DCC: variants seen among roughly 807,000 people sequenced by gnomAD.
DCC encodes the protein DCC netrin 1 receptor.
In DCC, 58 loss-of-function variants were observed where a neutral mutation model predicts 172.5. The ratio of observed to expected loss-of-function variants is 0.34; its 90% CI spans 0.27 to 0.42. DCC has a LOEUF of 0.42. Among genes scored for constraint, DCC ranks in the 10% least tolerant of loss-of-function variants. The pLI is 1.00. For missense variants in DCC, 1,740 were observed against 1,791.0 expected (o/e 0.97, Z 0.51); for synonymous variants, 709 against 644.5 (o/e 1.10, Z -1.52).
intron 8 of DCC, among the ~76,000 whole-genome samples, chr18:53,161,377 T>G (rs190650092): frequency 6.6e-6 from 1 of 152,194 alleles, no homozygotes; most frequent in Non-Finnish European, 1.5e-5. Flanking sequence ...GCACATGCTC[T>G]CCTCATTCTA....
intron 19 of DCC, among the ~76,000 whole-genome samples, chr18:53,408,650 G>T (rs1909813492): frequency 6.6e-6 from 1 of 152,184 alleles, no homozygotes; most frequent in African/African-American, 2.4e-5. Context: ...ACTAGAGGAT[G>T]AGGATAATTG....
At position 53,531,478 on chromosome 18, in the gene DCC, GC is replaced by G. The variant is rs2046524945; in HGVS notation, c.*827del. On this transcript the variant is annotated 3_prime_UTR_variant, in exon 29 of 29. Transcript: ENST00000442544. ...AGTTTTCAATTTGGGTGGCTTTTGTGCCATACCACACTGTGATACAATTTCA... is the reference window on the plus strand; with the variant it reads ...AGTTTTCAATTTGGGTGGCTTTTGTGCATACCACACTGTGATACAATTTCA... The G allele has an allele frequency of 6.5e-6, 1 of 152,958 alleles. No homozygotes were observed. Among genetic ancestry groups the G allele is most frequent in the Admixed American group, 6.5e-5 (1 of 15,320 alleles). 9.5% of individuals were successfully genotyped at this position (152,958 alleles called of 1,614,324 possible). A position where few individuals can be genotyped will look rare whatever the true frequency, so the allele number is the denominator to read the frequency against.
At chr18:53,298,946 C>T (rs926084391) in intron 12 of DCC, among the ~76,000 whole-genome samples, 2 of 152,070 alleles carry the variant, frequency 1.3e-5, no homozygotes, top group African/African-American at 2.4e-5. Flanking sequence ...GACCTTGGGC[C>T]TATCCTTCTT....
intron 1 of DCC, among the ~76,000 whole-genome samples, chr18:52,681,610 T>C (rs928275318): frequency 5.9e-5 from 9 of 152,118 alleles, no homozygotes; most frequent in Admixed American, 5.9e-4. Context: ...CAACGTATAT[T>C]AAATATCAAA....
At chr18:52,596,850 T>TCTTG (rs746670981) in intron 1 of DCC, among the ~76,000 whole-genome samples, 11 of 152,192 alleles carry the variant, frequency 7.2e-5, no homozygotes, top group Non-Finnish European at 1.5e-4. Flanking sequence ...AGGTCAGCAA[T>TCTTG]CTTGCCTGGC....
intron 21 of DCC, among the ~76,000 whole-genome samples, chr18:53,434,041 G>A (rs569831161): frequency 2.0e-5 from 3 of 152,254 alleles, no homozygotes; most frequent in South Asian, 2.1e-4. Context: ...CAAATAAAAT[G>A]ATAAAATCTT....
intron 3 of DCC, among the ~76,000 whole-genome samples, chr18:52,908,535 A>G (rs1026571883): frequency 2.6e-5 from 4 of 152,220 alleles, no homozygotes. Flanking sequence ...TTATCTTAAT[A>G]TGACAGGAAA....
At chr18:52,378,745 G>T (rs1183239178) in intron 1 of DCC, among the ~76,000 whole-genome samples, 1 of 151,960 alleles carries the variant, frequency 6.6e-6, no homozygotes, top group South Asian at 2.1e-4. Flanking sequence ...ATGGGGTTTT[G>T]TCATGTAGCC....
chr18:52,832,914 AT>A (rs901042730), intron 2 of DCC, among the ~76,000 whole-genome samples: 12 of 151,742 alleles, frequency 7.9e-5, no homozygotes, highest in Admixed American at 3.3e-4. Flanking sequence ...ACATTACTAA[AT>A]TTTTTTTTCC....
At chr18:52,564,807 C>G (rs182109416) in intron 1 of DCC, among the ~76,000 whole-genome samples, 255 of 151,996 alleles carry the variant, frequency 1.7e-3, no homozygotes, top group Non-Finnish European at 2.9e-3. Flanking sequence ...ACCATGGAAC[C>G]CAGTAGGAGG....
chr18:52,515,069 C>A (rs1019797097), intron 1 of DCC, among the ~76,000 whole-genome samples: 1 of 152,040 alleles, frequency 6.6e-6, no homozygotes, highest in Non-Finnish European at 1.5e-5. Flanking sequence ...TCAGTCAAGA[C>A]AATGTGATAT....
intron 8 of DCC, among the ~76,000 whole-genome samples, chr18:53,167,486 A>G (rs1214835174): frequency 2.0e-5 from 3 of 152,206 alleles, no homozygotes; most frequent in Non-Finnish European, 2.9e-5. Flanking sequence ...GCCAAAGATG[A>G]CCGAAATAAA....
chr18:53,047,219 C>A (rs1223103140), intron 5 of DCC, among the ~76,000 whole-genome samples: 1 of 75,538 alleles, frequency 1.3e-5, no homozygotes, highest in Non-Finnish European at 2.6e-5. Flanking sequence ...TCCTGGTGAG[C>A]CATCCCTGCA....
intron 1 of DCC, among the ~76,000 whole-genome samples, chr18:52,434,040 A>G (rs1222274033): frequency 6.6e-6 from 1 of 152,218 alleles, no homozygotes; most frequent in Non-Finnish European, 1.5e-5. Flanking sequence ...AGCCATTTCA[A>G]TTATTGATTA....
intron 15 of DCC, among the ~76,000 whole-genome samples, chr18:53,370,726 C>T (rs895379782): frequency 6.6e-6 from 1 of 151,778 alleles, no homozygotes; most frequent in African/African-American, 2.4e-5. Context: ...AGAGAAGATA[C>T]TTTATATGAT....
At chr18:53,529,583 T>G (rs1213513921) in intron 28 of DCC, among the ~76,000 whole-genome samples, 1 of 152,182 alleles carries the variant, frequency 6.6e-6, no homozygotes, top group African/African-American at 2.4e-5. Flanking sequence ...AAAGACAAAC[T>G]TGTTATTCTC....
chr18:53,262,298 A>T (rs966185425), intron 12 of DCC, among the ~76,000 whole-genome samples: 4 of 152,224 alleles, frequency 2.6e-5, no homozygotes, highest in African/African-American at 9.6e-5. Context: ...TCAACTCTAT[A>T]TACAGACCAA....
At chr18:53,516,058 G>A (rs1429297735) in intron 27 of DCC, among the ~76,000 whole-genome samples, 1 of 145,984 alleles carries the variant, frequency 6.9e-6, no homozygotes, top group Non-Finnish European at 1.5e-5. Flanking sequence ...TATACTACAA[G>A]GCTACAGTAA....
chr18:53,512,681 C>T (rs1368865004), intron 27 of DCC, among the ~76,000 whole-genome samples: 8 of 151,476 alleles, frequency 5.3e-5, no homozygotes, highest in South Asian at 4.2e-4. Flanking sequence ...CCTCAGGAGC[C>T]GATGCAATCA....
Sources: gnomAD v4.1 joint callset for allele counts (sites outside exome capture counted in the v4.1 genomes callset) on GRCh38, gnomAD v4.1.1 for gene constraint, MANE v1.5 for transcripts, NCBI Gene and HGNC (gene_info 2026-07-23, HGNC 2026-07-21) for gene names.